AKT3: variants seen among roughly 807,000 people sequenced by gnomAD.
AKT3 encodes RAC-gamma serine/threonine-protein kinase.
In AKT3, 15 loss-of-function variants were observed where a neutral mutation model predicts 65.3. The ratio of observed to expected loss-of-function variants is 0.23; its 90% CI spans 0.15 to 0.35. The LOEUF (loss-of-function observed/expected upper bound fraction) is 0.35, where lower values mean the gene tolerates loss of function less well. Among genes scored for constraint, AKT3 ranks in the 10% least tolerant of loss-of-function variants. The pLI is 1.00. For missense variants in AKT3, 243 were observed against 576.5 expected, an observed-to-expected ratio of 0.42 and a Z score of 5.92; for synonymous variants, 206 against 183.8, an observed-to-expected ratio of 1.12 and a Z score of -0.98.
chr1:243,550,843 C>T (rs1041831777), intron 11 of AKT3, among the ~76,000 whole-genome samples: 2 of 141,418 alleles, frequency 1.4e-5, no homozygotes, highest in Admixed American at 1.5e-4. Context: ...CCTGTAGTCC[C>T]AGCTACTCAG....
chr1:243,525,317 C>G (rs916074387), intron 12 of AKT3, among the ~76,000 whole-genome samples: 1 of 151,978 alleles, frequency 6.6e-6, no homozygotes. Flanking sequence ...TTCAGAGGCA[C>G]AAAATACCAG....
intron 4 of AKT3, among the ~76,000 whole-genome samples, chr1:243,659,364 A>C (rs1682090532): frequency 6.6e-6 from 1 of 152,234 alleles, no homozygotes; most frequent in African/African-American, 2.4e-5. Context: ...GCACATAGTT[A>C]ACAATACTCT....
chr1:243,806,281 G>A (rs997893876), intron 2 of AKT3, among the ~76,000 whole-genome samples: 1 of 152,112 alleles, frequency 6.6e-6, no homozygotes, highest in African/African-American at 2.4e-5. Context: ...ATGTCCAGGT[G>A]CAAGGAGCAC....
chr1:243,644,699 T>A (rs1165697971), intron 5 of AKT3, among the ~76,000 whole-genome samples: 2 of 152,114 alleles, frequency 1.3e-5, no homozygotes, highest in African/African-American at 4.8e-5. Context: ...AAAAGAAAAA[T>A]CCATAGAGGT....
At chr1:243,554,136 A>G (rs1673254757) in intron 10 of AKT3, among the ~76,000 whole-genome samples, 1 of 152,178 alleles carries the variant, frequency 6.6e-6, no homozygotes, top group Admixed American at 6.5e-5. Flanking sequence ...GATATTTTTG[A>G]CAGTTACATT....
chr1:243,728,345 C>T (rs776240652), intron 2 of AKT3, among the ~76,000 whole-genome samples: 2 of 152,146 alleles, frequency 1.3e-5, no homozygotes, highest in East Asian at 3.8e-4. Context: ...TCCAAGAAAC[C>T]GCCAAAGTTC....
At chr1:243,776,775 G>A (rs149596531) in intron 2 of AKT3, among the ~76,000 whole-genome samples, 7 of 152,254 alleles carry the variant, frequency 4.6e-5, no homozygotes, top group African/African-American at 7.2e-5. Flanking sequence ...GTACTGTTCC[G>A]CTGATGTCTC....
At chr1:243,823,564 C>G (rs1424585417) in intron 2 of AKT3, among the ~76,000 whole-genome samples, 1 of 152,198 alleles carries the variant, frequency 6.6e-6, no homozygotes, top group African/African-American at 2.4e-5. Flanking sequence ...TAAGCAACTT[C>G]AGCAAAGTCT....
chr1:243,838,915 G>A (rs901117357), intron 2 of AKT3, among the ~76,000 whole-genome samples: 9 of 152,142 alleles, frequency 5.9e-5, no homozygotes, highest in African/African-American at 2.2e-4. Flanking sequence ...ACAAAAAGTA[G>A]AATAAAGTAA....
intron 6 of AKT3, among the ~76,000 whole-genome samples, chr1:243,617,701 G>C (rs1329269759): frequency 6.6e-6 from 1 of 152,050 alleles, no homozygotes; most frequent in Non-Finnish European, 1.5e-5. Context: ...AAAGTGATGG[G>C]GTGGGGGTGA....
chr1:243,635,058 A>C (rs974606016), intron 6 of AKT3, among the ~76,000 whole-genome samples: 3 of 152,020 alleles, frequency 2.0e-5, no homozygotes, highest in African/African-American at 7.2e-5. Flanking sequence ...TCCAGGATAG[A>C]TCATATGTTG....
intron 2 of AKT3, among the ~76,000 whole-genome samples, chr1:243,813,476 C>T (rs902182872): frequency 8.8e-5 from 13 of 147,542 alleles, no homozygotes; most frequent in South Asian, 6.4e-4. Context: ...GTTCCCCAAA[C>T]GCCTATGGAA....
chr1:243,783,597 G>A (rs1225304251), intron 2 of AKT3, among the ~76,000 whole-genome samples: 1 of 152,080 alleles, frequency 6.6e-6, no homozygotes, highest in African/African-American at 2.4e-5. Flanking sequence ...TAAATGAAAA[G>A]TTAACTTAAA....
At chr1:243,627,331 T>TA (rs199839602) in intron 6 of AKT3, among the ~76,000 whole-genome samples, 38,829 of 142,848 alleles carry the variant, frequency 0.27, 5,805 homozygotes, top group African/African-American at 0.43. Flanking sequence ...CTGTTTCAAT[T>TA]AAAAAAAAAA....
chr1:243,704,182 C>A (rs1685646964), intron 2 of AKT3, among the ~76,000 whole-genome samples: 2 of 152,118 alleles, frequency 1.3e-5, no homozygotes, highest in Non-Finnish European at 2.9e-5. Flanking sequence ...CTGCTCAAGA[C>A]CACCTAGATC....
chr1:243,570,718 CAT>C (rs898270503), intron 9 of AKT3, among the ~76,000 whole-genome samples: 12 of 152,092 alleles, frequency 7.9e-5, no homozygotes, highest in African/African-American at 1.9e-4. Context: ...ATACAAATAA[CAT>C]GTGTGTAAGT....
chr1:243,583,164 GTGTGTGTA>G lies in AKT3; in HGVS notation c.697-10124_697-10117del, dbSNP rs1352587388. On this transcript the variant is annotated intron_variant, in intron 8 of 13. Coordinates refer to ENST00000673466, the MANE Select transcript of AKT3 (RefSeq NM_005465.7). Reference sequence around the variant, plus strand: ...ATATATCTCTCTCTTCCATGTATATGTGTGTGTATATATATATATATATATATATATAC... The same window carrying G: ...ATATATCTCTCTCTTCCATGTATATGTATATATATATATATATATATATAC... Among the ~76,000 whole-genome samples, 447 of 74,938 alleles carry G rather than the reference GTGTGTGTA, an allele frequency of 6.0e-3. 9 individuals carry two copies. The highest frequency in any genetic ancestry group is 0.017 in the African/African-American group (410 of 23,468). 49.2% of individuals were successfully genotyped at this position (74,938 alleles called of 152,430 possible).
chr1:243,731,168 C>T (rs1687540167), intron 2 of AKT3, among the ~76,000 whole-genome samples: 1 of 152,120 alleles, frequency 6.6e-6, no homozygotes, highest in African/African-American at 2.4e-5. Flanking sequence ...AGCATAAACT[C>T]TTATATGTAA....
chr1:243,611,128 C>G (rs1677840235), intron 8 of AKT3, among the ~76,000 whole-genome samples: 1 of 152,110 alleles, frequency 6.6e-6, no homozygotes, highest in Non-Finnish European at 1.5e-5. Flanking sequence ...CATTTCCACC[C>G]CCATAACTTA....
Sources: allele counts gnomAD v4.1 joint callset (sites outside exome capture counted in the v4.1 genomes callset), GRCh38; gene constraint gnomAD v4.1.1; transcripts MANE v1.5; gene names NCBI Gene and HGNC (gene_info 2026-07-23, HGNC 2026-07-21).